FRRS1L: variants seen among roughly 807,000 people sequenced by gnomAD.
The protein encoded by FRRS1L is DOMON domain-containing protein FRRS1L.
In FRRS1L, 22 loss-of-function variants were observed where a neutral mutation model predicts 28.6. The observed-to-expected ratio is 0.77, with a 90% CI of 0.55 to 1.10. FRRS1L has a LOEUF of 1.10. Ranked by LOEUF, FRRS1L falls within the 50% of genes least tolerant of loss-of-function variation. The probability of loss-of-function intolerance (pLI) is 0.00; values close to 1 mark genes in which losing one functional copy is unlikely to be tolerated. For synonymous variants in FRRS1L, 158 were observed against 151.4 expected (o/e 1.04, Z -0.32); for missense variants, 380 against 386.9 (o/e 0.98, Z 0.15).
chr9:109,138,089 T>G (rs1564227943), intron 4 of FRRS1L: 1 of 152,398 alleles, frequency 6.6e-6, no homozygotes, highest in Non-Finnish European at 1.5e-5. Flanking sequence ...CAACAACTCC[T>G]GACAACACTA....
At chr9:109,155,325 T>C (rs1028764784) in intron 1 of FRRS1L, among the ~76,000 whole-genome samples, 1 of 152,216 alleles carries the variant, frequency 6.6e-6, no homozygotes. Context: ...TATCCACATA[T>C]GTAAGACTGA....
chr9:109,137,631 T>G lies in FRRS1L; in HGVS notation c.710-4A>C, dbSNP rs372086662. On this transcript the variant is annotated splice_region_variant and splice_polypyrimidine_tract_variant and intron_variant, in intron 4 of 4. Coordinates refer to ENST00000561981, the MANE Select transcript of FRRS1L (RefSeq NM_014334.4). ...ATATCATGTCGAGTGATAGAGCCTT[T>G]AAGAAAAAAAGAGAAGAGCAGGGGC... 2.1e-4 allele frequency: 315 copies of G among 1,533,940 alleles called. 4 individuals are homozygous for G. The South Asian group carries it at 3.9e-3, about 19-fold the overall frequency.
intron 1 of FRRS1L, among the ~76,000 whole-genome samples, chr9:109,158,716 CAT>C (rs1831441550): frequency 6.6e-6 from 1 of 152,214 alleles, no homozygotes; most frequent in African/African-American, 2.4e-5. Flanking sequence ...GGATCAACCA[CAT>C]GTGTATATCC....
chr9:109,134,437 G>C lies in FRRS1L; in HGVS notation c.*3018C>G, dbSNP rs1831090547. The C allele has an allele frequency of 6.6e-6, 1 of 152,218 alleles. No individual in the cohort carries two copies. The highest frequency in any genetic ancestry group is 2.4e-5 in the African/African-American group (1 of 41,454). The allele number at this position is 152,218 out of a possible 1,614,324, so 9.4% of individuals were successfully genotyped here. ...AAATATTTAAGTTGTGACCTGATAG[G>C]TGAATAGGAGTTCATCAAGCACAAG... On this transcript the variant is annotated 3_prime_UTR_variant, in exon 5 of 5. Coordinates refer to ENST00000561981, the MANE Select transcript of FRRS1L (RefSeq NM_014334.4).
Position 109,137,529 on chromosome 9 carries a change from G to C in FRRS1L, c.808C>G (p.Gln270Glu). The change falls in exon 5 of 5, where the codon CAA becomes GAA. Residue 270 changes from glutamine (Q) to glutamate (E), a missense_variant. By Grantham distance (29) the Gln-to-Glu change is conservative. Coordinates refer to ENST00000561981, the MANE Select transcript of FRRS1L (RefSeq NM_014334.4). ...AAACAAAATGGAGATGAGAAGGTTTGATAGGCAGCTGATGGCATAAAAATG... is the reference window on the plus strand; with the variant it reads ...AAACAAAATGGAGATGAGAAGGTTTCATAGGCAGCTGATGGCATAAAAATG... ...EDIFMPSAAYQTFSSPFCLLL... is the reference protein window; with the variant it reads ...EDIFMPSAAYETFSSPFCLLL... The C allele has an allele frequency of 6.2e-7, 1 of 1,613,548 alleles. No individual in the cohort carries two copies. Among genetic ancestry groups the C allele is most frequent in the Non-Finnish European group, 8.5e-7 (1 of 1,179,596 alleles).
rs921939605 is a variant in FRRS1L at position 109,133,451 on chromosome 9, A to G, written c.*4004T>C. On this transcript the variant is annotated 3_prime_UTR_variant, in exon 5 of 5. Transcript: ENST00000561981. The stretch of plus-strand genomic sequence containing the variant: ...ATGGGGGAAAAAAGGCACCTAGCTA[A>G]TTGGAGTATGGATAGTGGGTTCCAT... 3 of 152,234 alleles carry G rather than the reference A, an allele frequency of 2.0e-5. No individual in the cohort carries two copies. Among genetic ancestry groups the G allele is most frequent in the African/African-American group, 7.2e-5 (3 of 41,468 alleles). The allele number at this position is 152,234 out of a possible 1,614,324, so 9.4% of individuals were successfully genotyped here.
At chr9:109,149,789 T>C in intron 1 of FRRS1L, 69 bp from the exon 2 acceptor site, 1 of 1,060,216 alleles carries the variant, frequency 9.4e-7, no homozygotes. Flanking sequence ...TTTTTAAAAA[T>C]GTGTTGACTG....
At chr9:109,140,257 G>A (rs888416767) in intron 4 of FRRS1L, 2 of 152,356 alleles carry the variant, frequency 1.3e-5, no homozygotes, top group African/African-American at 2.4e-5. Flanking sequence ...TTCAAGACCA[G>A]CCTGGGCAAT....
In FRRS1L at chr9:109,147,162, C is replaced by G. The variant is rs145156906; in HGVS notation, c.351G>C (p.Glu117Asp). 4.3e-6 allele frequency: 7 copies of G among 1,613,584 alleles called. No individual in the cohort carries two copies. Among genetic ancestry groups the G allele is most frequent in the African/African-American group, 1.3e-5 (1 of 74,896 alleles). The change falls in exon 3 of 5, where the codon GAG (glutamate) becomes GAC (aspartate). Residue 117 changes from glutamate to aspartate, a missense_variant. Glu to Asp is a conservative substitution (Grantham distance 45). Coordinates refer to ENST00000561981, the MANE Select transcript of FRRS1L (RefSeq NM_014334.4). Reference protein sequence around the residue: ...FRYGKPGCNAETCDYFLSYRM... With the variant: ...FRYGKPGCNADTCDYFLSYRM... ...GGTAGCTGAGGAAATAGTCACAGGT[C>G]TCTGCATTACAGCCTGGTTTGCCAT...
intron 1 of FRRS1L, among the ~76,000 whole-genome samples, chr9:109,163,460 T>G (rs1239238104): frequency 6.6e-6 from 1 of 152,194 alleles, no homozygotes; most frequent in Non-Finnish European, 1.5e-5. Flanking sequence ...AGTGGGACCC[T>G]CAAAGAATTC....
chr9:109,151,816 T>C (rs1015598549), intron 1 of FRRS1L: 3 of 152,754 alleles, frequency 2.0e-5, no homozygotes, highest in Admixed American at 6.5e-5. Flanking sequence ...GAACGAGTTT[T>C]GTTTTTTTCT....
Position 109,136,392 on chromosome 9 carries a change from A to G in FRRS1L, c.*1063T>C, listed in dbSNP as rs1053084614. On this transcript the variant is annotated 3_prime_UTR_variant, in exon 5 of 5. Transcript: ENST00000561981. ...AGAATTCCCTTTTTTTTTTTTTTTA[A>G]TATCATTAACACAACTTTACATCTT... 12 of 148,300 alleles carry G rather than the reference A, an allele frequency of 8.1e-5. No individual in the cohort carries two copies. Among genetic ancestry groups the G allele is most frequent in the African/African-American group, 3.0e-4 (12 of 40,186 alleles). 9.2% of individuals were successfully genotyped at this position (148,300 alleles called of 1,614,324 possible). A position where few individuals can be genotyped will look rare whatever the true frequency, so the allele number is the denominator to read the frequency against.
intron 1 of FRRS1L, among the ~76,000 whole-genome samples, chr9:109,160,937 C>A (rs1588104321): frequency 6.6e-6 from 1 of 152,142 alleles, no homozygotes; most frequent in East Asian, 1.9e-4. Flanking sequence ...GGATTACAGG[C>A]ACCCGCCATC....
intron 3 of FRRS1L, 112 bp downstream of exon 3, chr9:109,146,939 C>G (rs1336865446): frequency 6.2e-6 from 6 of 961,080 alleles, no homozygotes; most frequent in Non-Finnish European, 9.5e-6. Context: ...ATCAGAGAGC[C>G]ATAACTAATT....
At position 109,157,737 on chromosome 9, in the gene FRRS1L, T is replaced by C. The variant is rs554303986; in HGVS notation, c.239-8017A>G. On this transcript the variant is annotated intron_variant, in intron 1 of 4. Transcript: ENST00000561981. Reference sequence around the variant, plus strand: ...TATATTTTGCTGTACACCATTTCCATCAGTTACTGCTTTTATTTGGATACT... The same window carrying C: ...TATATTTTGCTGTACACCATTTCCACCAGTTACTGCTTTTATTTGGATACT... Among the ~76,000 whole-genome samples the C allele has an allele frequency of 6.6e-5, 10 of 152,340 alleles. No individual in the cohort carries two copies. In the South Asian group the frequency reaches 2.1e-3, roughly 32 times the overall value.
At chr9:109,147,409 G>T in intron 2 of FRRS1L, 1 of 516,378 alleles carries the variant, frequency 1.9e-6, no homozygotes, top group Non-Finnish European at 3.4e-6. Flanking sequence ...AGATGGGAAG[G>T]GGCTTGCCCG....
chr9:109,134,873 T>G lies in FRRS1L; in HGVS notation c.*2582A>C, dbSNP rs1186190902. 6 of 152,200 alleles carry G rather than the reference T, an allele frequency of 3.9e-5. No individual in the cohort carries two copies. The highest frequency in any genetic ancestry group is 5.9e-5 in the Non-Finnish European group (4 of 68,040). The allele number at this position is 152,200 out of a possible 1,614,324, so 9.4% of individuals were successfully genotyped here. A position where few individuals can be genotyped will look rare whatever the true frequency, so the allele number is the denominator to read the frequency against. ...ACATGGCTGCCTGCATATCAGTATC[T>G]TCACTACTAAACAGCCACTAGAGCT... On this transcript the variant is annotated 3_prime_UTR_variant, in exon 5 of 5. Transcript: ENST00000561981.
At position 109,165,120 on chromosome 9, in the gene FRRS1L, T is replaced by C. The variant is rs538850299; in HGVS notation, c.238+1781A>G. ...TGGCAGCACTAGGCTGTGTACAGTGTAAAGATACATTAGATGCTTTCAGAA... is the reference window on the plus strand; with the variant it reads ...TGGCAGCACTAGGCTGTGTACAGTGCAAAGATACATTAGATGCTTTCAGAA... On this transcript the variant is annotated intron_variant, in intron 1 of 4. Transcript: ENST00000561981. Among the ~76,000 whole-genome samples the C allele has an allele frequency of 2.6e-5, 4 of 152,364 alleles. No homozygotes were observed. In the South Asian group the frequency reaches 8.3e-4, roughly 32 times the overall value.
intron 3 of FRRS1L, among the ~76,000 whole-genome samples, chr9:109,146,631 GA>G (rs1831265607): frequency 2.6e-5 from 4 of 152,064 alleles, no homozygotes; most frequent in Non-Finnish European, 5.9e-5. Context: ...CCTCTGCCAT[GA>G]AAAAAATATG....
Sources: allele counts gnomAD v4.1 joint callset (sites outside exome capture counted in the v4.1 genomes callset), GRCh38; gene constraint gnomAD v4.1.1; transcripts MANE v1.5; gene names NCBI Gene and HGNC (gene_info 2026-07-23, HGNC 2026-07-21).